The following MS4A6E variants were observed in gnomAD, a reference collection of about 807,000 sequenced individuals.
MS4A6E encodes membrane spanning 4-domains A6E, also known as membrane-spanning 4-domains subfamily A member 6E.
In MS4A6E, 8 loss-of-function variants were observed where a neutral mutation model predicts 13.2. That is an observed-to-expected ratio of 0.60 (90% CI 0.35 to 1.09). MS4A6E has a LOEUF of 1.09. MS4A6E is among the 50% of genes least tolerant of loss of function. The pLI is 0.02. For synonymous variants in MS4A6E, 72 were observed against 67.6 expected, an observed-to-expected ratio of 1.06 and a Z score of -0.32; for missense variants, 177 against 171.1, an observed-to-expected ratio of 1.03 and a Z score of -0.19.
At chr11:60,348,360 A>G (rs2085264968) in intron 4 of MS4A6E, among the ~76,000 whole-genome samples, 1 of 152,208 alleles carries the variant, frequency 6.6e-6, no homozygotes, top group Admixed American at 6.5e-5. Context: ...AAGGGTAGAA[A>G]GAGTACAGCT....
At position 60,339,754 on chromosome 11, in the gene MS4A6E, A is replaced by T. The variant is rs148755207; in HGVS notation, c.355-112A>T. The stretch of plus-strand genomic sequence containing the variant: ...GTTTTGTTTTCCTGATTGTTTCCTT[A>T]CTTCATTCTCTAATGGTTGAGGTGG... On this transcript the variant is annotated intron_variant, in intron 3 of 4. Transcript: ENST00000684409. 10,016 of 883,878 alleles carry T rather than the reference A, an allele frequency of 0.011. 120 individuals are homozygous for T. Among genetic ancestry groups the T allele is most frequent in the African/African-American group, 0.032 (1,943 of 60,690 alleles). 54.8% of individuals were successfully genotyped at this position (883,878 alleles called of 1,614,324 possible).
chr11:60,332,394 C>A (rs1258490356), intron 1 of MS4A6E, among the ~76,000 whole-genome samples: 1 of 152,178 alleles, frequency 6.6e-6, no homozygotes, highest in African/African-American at 2.4e-5. Context: ...GCTCATTATT[C>A]ATGAGGAAGT....
chr11:60,337,358 T>A (rs1035057253), intron 2 of MS4A6E, among the ~76,000 whole-genome samples: 2 of 152,030 alleles, frequency 1.3e-5, no homozygotes, highest in African/African-American at 4.8e-5. Context: ...GCACGAGGGG[T>A]TTCTGAGTTG....
chr11:60,328,246 A>C (rs141537074), intron 1 of MS4A6E, among the ~76,000 whole-genome samples: 2 of 152,198 alleles, frequency 1.3e-5, no homozygotes, highest in Non-Finnish European at 2.9e-5. Context: ...GAATTAAAAG[A>C]TAAAATGTAT....
At chr11:60,347,433 C>A (rs570520678) in intron 4 of MS4A6E, among the ~76,000 whole-genome samples, 14 of 152,196 alleles carry the variant, frequency 9.2e-5, no homozygotes, top group Middle Eastern at 3.4e-3. Flanking sequence ...GTCTGTTCAT[C>A]CCCAAGATGG....
At position 60,337,907 on chromosome 11, in the gene MS4A6E, C is replaced by A; in HGVS notation, c.314C>A (p.Pro105His). 1.9e-6 allele frequency: 3 copies of A among 1,614,188 alleles called. No individual in the cohort carries two copies. Among genetic ancestry groups the A allele is most frequent in the Non-Finnish European group, 2.5e-6 (3 of 1,180,044 alleles). ...RLLLSYDYHS[P>H]YTMDCHRAKA... ...CTTCTTTCTTATGATTATCATTCAC[C>A]TTACACCATGGACTGCCATAGAGCC... The change falls in exon 3 of 5, where the codon CCT becomes CAT. Residue 105 changes from proline (P) to histidine (H), a missense_variant. Transcript: ENST00000684409.
chr11:60,334,589 T>G (rs2085176594), intron 1 of MS4A6E, among the ~76,000 whole-genome samples: 1 of 152,212 alleles, frequency 6.6e-6, no homozygotes, highest in African/African-American at 2.4e-5. Flanking sequence ...GGGACATTGC[T>G]GCATATTGCA....
intron 3 of MS4A6E, chr11:60,338,458 G>A (rs538498994): frequency 9.4e-4 from 148 of 156,948 alleles, no homozygotes; most frequent in African/African-American, 2.7e-3. Context: ...TTACAATAAT[G>A]AATAATACTA....
intron 1 of MS4A6E, among the ~76,000 whole-genome samples, chr11:60,328,221 C>T (rs924195957): frequency 5.9e-5 from 9 of 151,502 alleles, no homozygotes; most frequent in South Asian, 4.2e-4. Flanking sequence ...TAATAAAATA[C>T]GGGAAGAGAG....
intron 3 of MS4A6E, chr11:60,338,655 T>G (rs993006344): frequency 1.3e-5 from 2 of 152,102 alleles, no homozygotes; most frequent in Non-Finnish European, 2.9e-5. Flanking sequence ...TGTCTGAAGT[T>G]GAAAAATTAA....
At chr11:60,338,161 A>G (rs563035586) in intron 3 of MS4A6E, among the ~76,000 whole-genome samples, 53 of 152,364 alleles carry the variant, frequency 3.5e-4, no homozygotes, top group Middle Eastern at 3.4e-3. Context: ...AAGGTTGATG[A>G]TGAAAAACTA....
At chr11:60,346,942 G>T (rs2085258771) in intron 4 of MS4A6E, among the ~76,000 whole-genome samples, 1 of 152,218 alleles carries the variant, frequency 6.6e-6, no homozygotes, top group African/African-American at 2.4e-5. Context: ...AGTTCGGAAA[G>T]CTTCTATATA....
At chr11:60,348,404 A>C (rs2085265210) in intron 4 of MS4A6E, among the ~76,000 whole-genome samples, 1 of 152,224 alleles carries the variant, frequency 6.6e-6, no homozygotes, top group South Asian at 2.1e-4. Context: ...CTAGAAAATC[A>C]CAAAAATGGC....
downstream of MS4A6E, among the ~76,000 whole-genome samples, chr11:60,345,713 G>T (rs1295441302): frequency 1.3e-5 from 2 of 152,190 alleles, no homozygotes; most frequent in South Asian, 2.1e-4. Context: ...TTAGCCAAAG[G>T]CTCCCCCTAG....
At chr11:60,342,843 T>C (rs969909370), downstream of MS4A6E, among the ~76,000 whole-genome samples, 2 of 152,176 alleles carry the variant, frequency 1.3e-5, no homozygotes, top group Admixed American at 6.5e-5. Context: ...AAGAAATGAT[T>C]TGGGGGCTGC....
At position 60,339,867 on chromosome 11, in the gene MS4A6E, G is replaced by T; in HGVS notation, c.356G>T (p.Gly119Val). ...DCHRAKASLA[G>V]TLSLMLVSTV... ...GATATTTTATTTCTTGACTTTCAGG[G>T]AACTCTGTCTCTGATGCTGGTTTCT... Residue 119 changes from glycine to valine, a missense_variant and splice_region_variant, in exon 4 of 5, where the codon GGA becomes GTA. Gly to Val is a moderately radical substitution (Grantham distance 109). Transcript: ENST00000684409. 6.2e-7 allele frequency: 1 copy of T among 1,613,376 alleles called. No individual in the cohort carries two copies. Among genetic ancestry groups the T allele is most frequent in the East Asian group, 2.2e-5 (1 of 44,846 alleles).
In MS4A6E at chr11:60,337,882, CTTCT is replaced by C. The variant is rs1247746399; in HGVS notation, c.295_298del (p.Ser99MetfsTer24). The C allele has an allele frequency of 8.7e-6, 14 of 1,614,072 alleles. No homozygotes were observed. The Middle Eastern group carries it at 4.9e-4, about 57-fold the overall frequency. On this transcript the variant is annotated frameshift_variant, in exon 3 of 5. Coordinates refer to ENST00000684409, the MANE Select transcript of MS4A6E (RefSeq NM_139249.4). LOFTEE classifies it high-confidence loss of function. ...CGAAAAGGATATACCAACCAGACTT[CTTCT>C]TTCTTATGATTATCATTCACCTTAC...
intron 4 of MS4A6E, among the ~76,000 whole-genome samples, chr11:60,340,237 G>T (rs1230049262): frequency 2.0e-5 from 3 of 152,182 alleles, no homozygotes; most frequent in African/African-American, 7.2e-5. Context: ...TGAGACTCTG[G>T]GAAGTTAAAT....
Position 60,334,317 on chromosome 11 carries a change from G to C in MS4A6E, c.-14-565G>C, listed in dbSNP as rs555495839. On this transcript the variant is annotated intron_variant, in intron 1 of 4. Transcript: ENST00000684409. ...CACACAAGCCCATAAAAAGCTTGAA[G>C]GGCCCCTAGAATCTCTAGCTATGCT... Among the ~76,000 whole-genome samples the C allele has an allele frequency of 3.3e-5, 5 of 152,276 alleles. No individual in the cohort carries two copies. The East Asian group carries it at 9.6e-4, about 29-fold the overall frequency.
Sources: allele counts gnomAD v4.1 joint callset (sites outside exome capture counted in the v4.1 genomes callset), GRCh38; gene constraint gnomAD v4.1.1; transcripts MANE v1.5; gene names NCBI Gene and HGNC (gene_info 2026-07-23, HGNC 2026-07-21).